Variants in NEK5 observed in about 807,000 individuals in gnomAD.
NEK5 encodes NIMA related kinase 5.
Under a neutral mutation model 109.2 loss-of-function variants are expected in NEK5, and 88 were observed. That is an observed-to-expected ratio of 0.81 (90% CI 0.68 to 0.96). NEK5 has a LOEUF of 0.96. Among genes scored for constraint, NEK5 ranks in the 40% least tolerant of loss-of-function variants. The probability of loss-of-function intolerance (pLI) is 0.00; values close to 1 mark genes in which losing one functional copy is unlikely to be tolerated. For missense variants in NEK5, 834 were observed against 920.7 expected (o/e 0.91, Z 1.22); for synonymous variants, 283 against 299.9 (o/e 0.94, Z 0.58).
intron 4 of NEK5, among the ~76,000 whole-genome samples, chr13:52,113,405 A>G (rs553428992): frequency 1.3e-5 from 2 of 152,050 alleles, no homozygotes; most frequent in South Asian, 4.2e-4. Context: ...TAGAAAATGA[A>G]AGATGTGATT....
chr13:52,093,041 AC>A lies in NEK5; in HGVS notation c.1208+12del, dbSNP rs1237452406. ...TTAGATTAACCAAAGCTTAAGCTAG[AC>A]CACAATATTACCATTGACTTGGGGA... On this transcript the variant is annotated intron_variant, in intron 13 of 23. Transcript: ENST00000684899. 1 of 1,578,280 alleles carries A rather than the reference AC, an allele frequency of 6.3e-7. No homozygotes were observed. The highest frequency in any genetic ancestry group is 2.2e-5 in the East Asian group (1 of 44,466).
intron 21 of NEK5, among the ~76,000 whole-genome samples, chr13:52,063,835 G>C (rs934271743): frequency 6.6e-6 from 1 of 151,956 alleles, no homozygotes; most frequent in South Asian, 2.1e-4. Flanking sequence ...CCCTTCGCCC[G>C]GCAGCCACCC....
chr13:52,104,094 G>C (rs950845029), intron 9 of NEK5, among the ~76,000 whole-genome samples: 4 of 152,018 alleles, frequency 2.6e-5, no homozygotes, highest in African/African-American at 9.7e-5. Flanking sequence ...CAACTAGCTG[G>C]GACTGCAGGC....
rs1954330280 is a variant in NEK5, at chr13:52,033,721, A to G, written c.*3227T>C. The G allele has an allele frequency of 1.3e-5, 2 of 153,686 alleles. No individual in the cohort carries two copies. Among genetic ancestry groups the G allele is most frequent in the South Asian group, 4.1e-4 (2 of 4,830 alleles). 9.5% of individuals were successfully genotyped at this position (153,686 alleles called of 1,614,324 possible). A position where few individuals can be genotyped will look rare whatever the true frequency, so the allele number is the denominator to read the frequency against. On this transcript the variant is annotated 3_prime_UTR_variant, in exon 24 of 24. Transcript: ENST00000684899. ...GGGATTTTATAAGGTCATCTTATAG[A>G]CAAAATTAAGAGACACCAGTGTGGT...
At chr13:52,066,114 G>T (rs1051490195) in intron 20 of NEK5, among the ~76,000 whole-genome samples, 6 of 151,856 alleles carry the variant, frequency 4.0e-5, no homozygotes, top group South Asian at 2.1e-4. Flanking sequence ...ACAAAAAATT[G>T]GACCACATAC....
intron 23 of NEK5, among the ~76,000 whole-genome samples, chr13:52,041,086 A>G (rs1954409111): frequency 6.6e-6 from 1 of 152,202 alleles, no homozygotes; most frequent in Admixed American, 6.5e-5. Flanking sequence ...CAGGAAAGGA[A>G]GAAAAAGCAA....
intron 22 of NEK5, 78 bp from the exon 23 acceptor site, chr13:52,050,299 A>G (rs1954492858): frequency 3.9e-6 from 1 of 255,580 alleles, no homozygotes; most frequent in African/African-American, 2.3e-5. Flanking sequence ...AAAACCTGAT[A>G]GTGAACATCA....
intron 23 of NEK5, among the ~76,000 whole-genome samples, chr13:52,038,353 G>A (rs1370276564): frequency 6.6e-6 from 1 of 152,092 alleles, no homozygotes; most frequent in Non-Finnish European, 1.5e-5. Flanking sequence ...AGTGGCAAGT[G>A]GAGGAGATTG....
intron 17 of NEK5, among the ~76,000 whole-genome samples, chr13:52,077,336 A>G (rs1954887040): frequency 6.6e-6 from 1 of 152,222 alleles, no homozygotes; most frequent in East Asian, 1.9e-4. Context: ...CATATAATAG[A>G]TAAATGGTTT....
intron 13 of NEK5, among the ~76,000 whole-genome samples, chr13:52,090,926 T>TGAGGCAGGAGAATGGTGTG (rs1172624693): frequency 1.3e-5 from 2 of 151,860 alleles, no homozygotes; most frequent in African/African-American, 4.8e-5. Context: ...CTCTGGAGAC[T>TGAGGCAGGAGAATGGTGTG]GAGGCAGGAG....
At chr13:52,106,817 A>T (rs1321522234) in intron 8 of NEK5, among the ~76,000 whole-genome samples, 1 of 152,106 alleles carries the variant, frequency 6.6e-6, no homozygotes. Context: ...TCACATACAT[A>T]AAAACTAACT....
intron 4 of NEK5, among the ~76,000 whole-genome samples, chr13:52,115,478 G>A (rs1330530198): frequency 1.3e-5 from 2 of 150,980 alleles, no homozygotes; most frequent in East Asian, 2.0e-4. Context: ...GGTGGCGGGC[G>A]CCTGTAATCC....
At chr13:52,038,015 G>A (rs193281488) in intron 23 of NEK5, among the ~76,000 whole-genome samples, 1 of 152,108 alleles carries the variant, frequency 6.6e-6, no homozygotes, top group Admixed American at 6.6e-5. Flanking sequence ...GGTATTTTTA[G>A]AAAGGAAAGG....
chr13:52,126,899 T>C (rs867903848), intron 3 of NEK5, among the ~76,000 whole-genome samples: 1 of 152,104 alleles, frequency 6.6e-6, no homozygotes, highest in Non-Finnish European at 1.5e-5. Flanking sequence ...AAACCCCTCG[T>C]AGAGGACCTG....
intron 7 of NEK5, among the ~76,000 whole-genome samples, chr13:52,108,892 T>C (rs1258613177): frequency 2.6e-5 from 4 of 152,370 alleles, no homozygotes; most frequent in Admixed American, 6.5e-5. Context: ...TCCATTTTCT[T>C]TGCTTAGTAT....
intron 23 of NEK5, among the ~76,000 whole-genome samples, chr13:52,042,511 A>C (rs1338413646): frequency 6.6e-6 from 1 of 151,832 alleles, no homozygotes; most frequent in Non-Finnish European, 1.5e-5. Flanking sequence ...GAAAAGAAAC[A>C]ATGTTGATAA....
chr13:52,089,433 A>G, intron 13 of NEK5, 120 bp from the exon 14 acceptor site: 1 of 622,048 alleles, frequency 1.6e-6, no homozygotes, highest in Non-Finnish European at 2.8e-6. Context: ...TGAAGTTCCA[A>G]GTTCAAGAAG....
At chr13:52,045,895 A>AC (rs1954454864) in intron 23 of NEK5, among the ~76,000 whole-genome samples, 1 of 150,562 alleles carries the variant, frequency 6.6e-6, no homozygotes, top group South Asian at 2.1e-4. Context: ...ACATGGTGAA[A>AC]CCCCATCTCT....
rs61597861 is a variant in NEK5 at position 52,065,688 on chromosome 13, A to G, written c.1850-79T>C. On this transcript the variant is annotated intron_variant, in intron 20 of 23. Coordinates refer to ENST00000684899, the MANE Select transcript of NEK5 (RefSeq NM_001365552.1). Reference sequence around the variant, plus strand: ...TGTCCCAAACACTTCTTAGGAACTCAGAGGCAGTTTATCAGCAGGTATGTT... The same window carrying G: ...TGTCCCAAACACTTCTTAGGAACTCGGAGGCAGTTTATCAGCAGGTATGTT... 1.8e-3 allele frequency: 1,853 copies of G among 1,006,428 alleles called. 19 individuals are homozygous for G. In the African/African-American group the frequency reaches 0.026, roughly 14 times the overall value. The allele number at this position is 1,006,428 out of a possible 1,614,324, so 62.3% of individuals were successfully genotyped here.
Sources: gnomAD v4.1 joint callset for allele counts (sites outside exome capture counted in the v4.1 genomes callset) on GRCh38, gnomAD v4.1.1 for gene constraint, MANE v1.5 for transcripts, NCBI Gene and HGNC (gene_info 2026-07-23, HGNC 2026-07-21) for gene names.